FSTL5: variants seen among roughly 807,000 people sequenced by gnomAD.
FSTL5 encodes the protein follistatin like 5.
In FSTL5, 62 loss-of-function variants were observed where a neutral mutation model predicts 89.1. The ratio of observed to expected loss-of-function variants is 0.70; its 90% CI spans 0.57 to 0.86. The LOEUF (loss-of-function observed/expected upper bound fraction) is 0.86, where lower values mean the gene tolerates loss of function less well. FSTL5 is among the 40% of genes least tolerant of loss of function. The pLI, the probability that FSTL5 is intolerant of heterozygous loss-of-function variation, is 0.00. For missense variants in FSTL5, 1,057 were observed against 1,001.6 expected (o/e 1.06, Z -0.75); for synonymous variants, 383 against 346.2 (o/e 1.11, Z -1.18).
intron 7 of FSTL5, among the ~76,000 whole-genome samples, chr4:161,608,131 C>T (rs1734515743): frequency 6.6e-6 from 1 of 152,090 alleles, no homozygotes; most frequent in Non-Finnish European, 1.5e-5. Context: ...CTCACTCTAC[C>T]TCACAAGTAG....
intron 7 of FSTL5, among the ~76,000 whole-genome samples, chr4:161,613,465 G>T (rs995212073): frequency 2.7e-5 from 4 of 148,842 alleles, no homozygotes; most frequent in African/African-American, 9.9e-5. Context: ...AAAAAAAAAT[G>T]ATAATTGTCT....
At chr4:161,731,180 A>C (rs1238027097) in intron 6 of FSTL5, among the ~76,000 whole-genome samples, 1 of 152,188 alleles carries the variant, frequency 6.6e-6, no homozygotes, top group Non-Finnish European at 1.5e-5. Context: ...GTGTGTATAC[A>C]TATCCACGAA....
intron 15 of FSTL5, among the ~76,000 whole-genome samples, chr4:161,404,958 C>A (rs932028533): frequency 2.0e-5 from 3 of 152,010 alleles, no homozygotes; most frequent in African/African-American, 7.2e-5. Context: ...TAGCTGGGGG[C>A]GGTGGCTCAT....
chr4:161,528,003 G>A (rs1004373148), intron 10 of FSTL5, among the ~76,000 whole-genome samples: 2 of 151,124 alleles, frequency 1.3e-5, no homozygotes, highest in African/African-American at 4.9e-5. Context: ...TAGGGACATG[G>A]ATGAAATTGG....
intron 10 of FSTL5, 60 bp downstream of exon 10, chr4:161,538,106 A>G (rs560610643): frequency 3.9e-6 from 6 of 1,537,690 alleles, no homozygotes; most frequent in Admixed American, 1.8e-5. Flanking sequence ...TTTTAAAAAA[A>G]GCTGTAAAAA....
chr4:161,695,453 G>GTGTGTA (rs769170988), intron 6 of FSTL5, among the ~76,000 whole-genome samples: 10 of 135,028 alleles, frequency 7.4e-5, no homozygotes, highest in South Asian at 2.3e-4. Flanking sequence ...GTGTGTGTGT[G>GTGTGTA]TATATATATC....
At position 161,755,686 on chromosome 4, in the gene FSTL5, T is replaced by C. The variant is rs990201145; in HGVS notation, c.727+3725A>G. ...AGTCTTAATACATCTGTCATTTTGA[T>C]CACTGTCTGTCTGAGATTATATATT... On this transcript the variant is annotated intron_variant, in intron 6 of 15. Coordinates refer to ENST00000306100, the MANE Select transcript of FSTL5 (RefSeq NM_020116.5). 4.6e-5 allele frequency among the ~76,000 whole-genome samples: 7 copies of C among 152,206 alleles called. 1 individual carries two copies. In the South Asian group the frequency reaches 8.3e-4, roughly 18 times the overall value.
intron 5 of FSTL5, among the ~76,000 whole-genome samples, chr4:161,762,819 T>TC (rs1439805333): frequency 1.3e-5 from 2 of 152,210 alleles, no homozygotes; most frequent in African/African-American, 2.4e-5. Flanking sequence ...ACTTTTTTTT[T>TC]CACTGATCAG....
intron 8 of FSTL5, 29 bp downstream of exon 8, chr4:161,587,426 T>C (rs747112110): frequency 5.3e-5 from 85 of 1,609,214 alleles, no homozygotes; most frequent in Non-Finnish European, 6.7e-5. Context: ...GTTCTTTGAA[T>C]AGTTAGGGTA....
intron 4 of FSTL5, among the ~76,000 whole-genome samples, chr4:161,860,219 C>A (rs13140142): frequency 1.3e-5 from 2 of 151,076 alleles, no homozygotes; most frequent in Non-Finnish European, 3.0e-5. Context: ...ACCCGGGAGG[C>A]GGAGCTTGCA....
chr4:161,634,198 T>C (rs1735606983), intron 7 of FSTL5, among the ~76,000 whole-genome samples: 1 of 152,238 alleles, frequency 6.6e-6, no homozygotes, highest in African/African-American at 2.4e-5. Context: ...GTGGTGATGT[T>C]TTCTTAGTAA....
intron 12 of FSTL5, among the ~76,000 whole-genome samples, chr4:161,491,167 G>C (rs547787101): frequency 8.6e-5 from 13 of 151,908 alleles, no homozygotes; most frequent in African/African-American, 2.9e-4. Flanking sequence ...AAATTTTTCA[G>C]AGTAAGAACT....
intron 5 of FSTL5, among the ~76,000 whole-genome samples, chr4:161,762,674 T>A (rs1375779871): frequency 6.6e-6 from 1 of 152,206 alleles, no homozygotes; most frequent in African/African-American, 2.4e-5. Context: ...ATGATCTTGA[T>A]TGGTCAAAAA....
chr4:161,916,678 G>T (rs145439489), intron 4 of FSTL5, among the ~76,000 whole-genome samples: 1 of 151,926 alleles, frequency 6.6e-6, no homozygotes, highest in Non-Finnish European at 1.5e-5. Flanking sequence ...TAGGTATATT[G>T]TTTATTTTAT....
chr4:161,502,308 A>C (rs1730320764), intron 11 of FSTL5, among the ~76,000 whole-genome samples: 1 of 151,930 alleles, frequency 6.6e-6, no homozygotes, highest in South Asian at 2.1e-4. Context: ...AATACCACTT[A>C]ATCCATCCAA....
chr4:161,514,843 G>T (rs1730762535), intron 10 of FSTL5, among the ~76,000 whole-genome samples: 1 of 151,966 alleles, frequency 6.6e-6, no homozygotes, highest in Non-Finnish European at 1.5e-5. Context: ...CAAGCTACAA[G>T]ATAAATATCC....
intron 1 of FSTL5, among the ~76,000 whole-genome samples, chr4:162,127,329 A>G (rs1385386598): frequency 6.6e-6 from 1 of 152,176 alleles, no homozygotes; most frequent in Non-Finnish European, 1.5e-5. Context: ...AATAGCCTCA[A>G]AGTCTAAGTA....
intron 4 of FSTL5, among the ~76,000 whole-genome samples, chr4:161,898,271 T>G (rs1185299330): frequency 1.3e-5 from 2 of 151,622 alleles, no homozygotes; most frequent in African/African-American, 4.8e-5. Context: ...AGTAAGAATA[T>G]ATCACTGTTT....
At chr4:161,917,675 C>T (rs1017960049) in intron 4 of FSTL5, among the ~76,000 whole-genome samples, 4 of 152,124 alleles carry the variant, frequency 2.6e-5, no homozygotes, top group African/African-American at 9.7e-5. Flanking sequence ...TAGTAAAGAT[C>T]TGCTAATAAT....
Sources: allele counts gnomAD v4.1 joint callset (sites outside exome capture counted in the v4.1 genomes callset), GRCh38; gene constraint gnomAD v4.1.1; transcripts MANE v1.5; gene names NCBI Gene and HGNC (gene_info 2026-07-23, HGNC 2026-07-21).